Variants in SYT6 observed in about 807,000 individuals in gnomAD.
SYT6 encodes the protein synaptotagmin-6.
SYT6 carries 24 observed loss-of-function variants against 38.4 expected under a neutral mutation model. The observed-to-expected ratio is 0.62, with a 90% CI of 0.45 to 0.88. The LOEUF (loss-of-function observed/expected upper bound fraction) is 0.88, where lower values mean the gene tolerates loss of function less well. Among genes scored for constraint, SYT6 ranks in the 40% least tolerant of loss-of-function variants. The pLI is 0.00. For missense variants in SYT6, 611 were observed against 621.0 expected (o/e 0.98, Z 0.17); for synonymous variants, 265 against 241.9 (o/e 1.10, Z -0.89).
In SYT6 at chr1:114,097,866, T is replaced by C. The variant is rs754792159; in HGVS notation, c.1376A>G (p.Asn459Ser). The C allele has an allele frequency of 8.7e-6, 14 of 1,613,964 alleles. No individual in the cohort carries two copies. Among genetic ancestry groups the C allele is most frequent in the African/African-American group, 2.7e-5 (2 of 74,904 alleles). The change falls in exon 6 of 8, where the codon AAT becomes AGT. Residue 459 changes from asparagine to serine, a missense_variant. By Grantham distance (46) the Asn-to-Ser change is conservative (BLOSUM62 1). Transcript: ENST00000610222. ...CACACGACAGACTCCTATGATCTCA[T>C]TGTGGCCCACTCTGAGGGAGAAACA... ...SVMDYDRVGH[N>S]EIIGVCRVGI...
intron 3 of SYT6, among the ~76,000 whole-genome samples, chr1:114,113,142 TC>T (rs1676786232): frequency 6.6e-6 from 1 of 152,114 alleles, no homozygotes; most frequent in African/African-American, 2.4e-5. Context: ...CACCTCCTGC[TC>T]CCCACACTCC....
At chr1:114,095,698 T>A (rs1675593577) in intron 6 of SYT6, among the ~76,000 whole-genome samples, 1 of 151,496 alleles carries the variant, frequency 6.6e-6, no homozygotes, top group Non-Finnish European at 1.5e-5. Context: ...TCTCGCTCTG[T>A]TGTCCAGGCT....
chr1:114,129,367 T>A (rs1489193887), intron 3 of SYT6, among the ~76,000 whole-genome samples: 6 of 152,148 alleles, frequency 3.9e-5, no homozygotes, highest in African/African-American at 1.4e-4. Flanking sequence ...GCTGCAGTGA[T>A]CCTTTTAAAC....
rs1470704354 is a variant in SYT6, at chr1:114,091,297, A to G, written c.*837T>C. On this transcript the variant is annotated 3_prime_UTR_variant, in exon 8 of 8. Coordinates refer to ENST00000610222, the MANE Select transcript of SYT6 (RefSeq NM_001253772.2). The stretch of plus-strand genomic sequence containing the variant: ...TTAACTGTGGCGCATCAGAAAACAT[A>G]TGGCGTGTTTAGTTTCGGCTGAACT... The G allele has an allele frequency of 1.3e-5, 2 of 152,754 alleles. No homozygotes were observed. Among genetic ancestry groups the G allele is most frequent in the Non-Finnish European group, 2.9e-5 (2 of 68,042 alleles). 9.5% of individuals were successfully genotyped at this position (152,754 alleles called of 1,614,324 possible).
At chr1:114,113,539 A>G (rs1294412530) in intron 3 of SYT6, among the ~76,000 whole-genome samples, 1 of 151,784 alleles carries the variant, frequency 6.6e-6, no homozygotes, top group African/African-American at 2.4e-5. Context: ...TTCTCCTCTA[A>G]TTTTCCCCAA....
chr1:114,093,749 G>A lies in SYT6; in HGVS notation c.*37C>T. 1 of 1,613,938 alleles carries A rather than the reference G, an allele frequency of 6.2e-7. No individual in the cohort carries two copies. Among genetic ancestry groups the A allele is most frequent in the South Asian group, 1.1e-5 (1 of 91,050 alleles). On this transcript the variant is annotated 3_prime_UTR_variant, in exon 7 of 8. Transcript: ENST00000610222. ...CAGGTACTTACTCCTAACTCCAGGT[G>A]GCAGTCTCTCTGCTTGCAGCATCCA...
At chr1:114,136,950 C>T (rs987297448) in intron 3 of SYT6, among the ~76,000 whole-genome samples, 1 of 152,104 alleles carries the variant, frequency 6.6e-6, no homozygotes, top group Non-Finnish European at 1.5e-5. Context: ...ATAAACAGTG[C>T]GTGATTTGCC....
chr1:114,118,503 C>T (rs1677141114), intron 3 of SYT6, among the ~76,000 whole-genome samples: 1 of 152,202 alleles, frequency 6.6e-6, no homozygotes, highest in African/African-American at 2.4e-5. Context: ...GCTTAAACTG[C>T]CTCTTTGCAC....
chr1:114,122,509 G>GCGCGCA (rs1557750386), intron 3 of SYT6, among the ~76,000 whole-genome samples: 17 of 152,126 alleles, frequency 1.1e-4, no homozygotes, highest in Admixed American at 5.2e-4. Flanking sequence ...GTGTGTGTGC[G>GCGCGCA]CGCACATGAG....
intron 3 of SYT6, among the ~76,000 whole-genome samples, chr1:114,124,160 C>T (rs1266538195): frequency 6.6e-6 from 1 of 152,226 alleles, no homozygotes; most frequent in Non-Finnish European, 1.5e-5. Context: ...CACAGAAATG[C>T]CAATGGCCAT....
intron 3 of SYT6, among the ~76,000 whole-genome samples, chr1:114,115,047 G>A (rs1676915603): frequency 1.3e-5 from 2 of 152,184 alleles, no homozygotes; most frequent in Admixed American, 1.3e-4. Flanking sequence ...CAAAGACAGT[G>A]TTTCAAAGAT....
chr1:114,118,593 G>A (rs1192471958), intron 3 of SYT6, among the ~76,000 whole-genome samples: 10 of 152,226 alleles, frequency 6.6e-5, no homozygotes, highest in Admixed American at 6.5e-4. Context: ...GGCCATGCCA[G>A]GCCCTCCGGC....
At chr1:114,149,240 T>TGTGTGTGTGCGCGTGCGCGTGTGTGTG (rs369263313) in intron 1 of SYT6, among the ~76,000 whole-genome samples, 1 of 146,888 alleles carries the variant, frequency 6.8e-6, no homozygotes, top group Non-Finnish European at 1.5e-5. Context: ...TGTGTGTGTG[T>TGTGTGTGTGCGCGTGCGCGTGTGTGTG]TGGGAGAACA....
rs368541580 is a variant in SYT6, at chr1:114,139,618, G to A, written c.509C>T (p.Thr170Ile). 6.2e-7 allele frequency: 1 copy of A among 1,614,096 alleles called. No homozygotes were observed. The highest frequency in any genetic ancestry group is 1.3e-5 in the African/African-American group (1 of 75,036). The change falls in exon 2 of 8, where the codon ACC (threonine) becomes ATC (isoleucine). Residue 170 changes from threonine to isoleucine, a missense_variant. Thr to Ile is a moderately conservative substitution (Grantham distance 89, BLOSUM62 -1). Transcript: ENST00000610222. Reference protein sequence around the residue: ...QRQTTEPASSTRHTSFKRHLP... With the variant: ...QRQTTEPASSIRHTSFKRHLP... ...AAGGGAGTGGTCCACTCCTCACCTG[G>A]TGGATGACGCTGGCTCTGTAGTTTG...
At position 114,139,707 on chromosome 1, in the gene SYT6, A is replaced by G. The variant is rs777639366; in HGVS notation, c.420T>C (p.Asp140=). The change falls in exon 2 of 8, where the codon GAT becomes GAC. Residue 140 remains aspartate (D), a synonymous_variant. Coordinates refer to ENST00000610222, the MANE Select transcript of SYT6 (RefSeq NM_001253772.2). The stretch of plus-strand genomic sequence containing the variant: ...CCGACATCTGCACCTCAGCTGGGAT[A>G]TCTGGGGACGTGTGGCTGATCTTCA... ...AAVKISHTSP[D]IPAEVQMSVK... is the part of the protein sequence containing the mutation. The G allele has an allele frequency of 6.8e-6, 11 of 1,614,034 alleles. No individual in the cohort carries two copies. The East Asian group carries it at 2.5e-4, about 36-fold the overall frequency.
At position 114,145,707 on chromosome 1, in the gene SYT6, G is replaced by T. The variant is rs540467345; in HGVS notation, c.164-5744C>A. On this transcript the variant is annotated intron_variant, in intron 1 of 7. Coordinates refer to ENST00000610222, the MANE Select transcript of SYT6 (RefSeq NM_001253772.2). The stretch of plus-strand genomic sequence containing the variant: ...GTTCTGGATGCATTCTCTGCAATAT[G>T]AGTCACCTCAAAACAAAAGGTGTTT... 1.3e-5 allele frequency among the ~76,000 whole-genome samples: 2 copies of T among 152,164 alleles called. 1 individual carries two copies. The highest frequency in any genetic ancestry group is 4.2e-4 in the South Asian group (2 of 4,812).
In SYT6 at chr1:114,153,661, G is replaced by C; in HGVS notation, c.112C>G (p.Arg38Gly). The C allele has an allele frequency of 1.5e-6, 1 of 662,918 alleles. No individual in the cohort carries two copies. The highest frequency in any genetic ancestry group is 1.6e-5 in the South Asian group (1 of 60,658). The allele number at this position is 662,918 out of a possible 1,614,324, so 41.1% of individuals were successfully genotyped here. A position where few individuals can be genotyped will look rare whatever the true frequency, so the allele number is the denominator to read the frequency against. Residue 38 changes from arginine (R) to glycine (G), a missense_variant, in exon 1 of 8, where the codon CGG becomes GGG. Transcript: ENST00000610222. ...PPLGLDVETC[R>G]SFELQPPERS... ...TCTGGGGGCTGCAGCTCGAAGCTCCGACAAGTCTCCACGTCCAGCCCGAGA... is the reference window on the plus strand; with the variant it reads ...TCTGGGGGCTGCAGCTCGAAGCTCCCACAAGTCTCCACGTCCAGCCCGAGA...
intron 3 of SYT6, among the ~76,000 whole-genome samples, chr1:114,122,701 A>C (rs1677489156): frequency 6.6e-6 from 1 of 152,044 alleles, no homozygotes; most frequent in Non-Finnish European, 1.5e-5. Flanking sequence ...GGGAACACCC[A>C]CTCCCTAAAA....
chr1:114,098,919 A>C (rs528955428), intron 5 of SYT6, among the ~76,000 whole-genome samples, 175 bp downstream of exon 5: 76 of 152,210 alleles, frequency 5.0e-4, no homozygotes, highest in Non-Finnish European at 1.0e-3. Context: ...ACCTTTGCTA[A>C]GGGAGAATCT....
Sources: gnomAD v4.1 joint callset for allele counts (sites outside exome capture counted in the v4.1 genomes callset) on GRCh38, gnomAD v4.1.1 for gene constraint, MANE v1.5 for transcripts, NCBI Gene and HGNC (gene_info 2026-07-23, HGNC 2026-07-21) for gene names.